The following STPG4 variants were observed in gnomAD, a reference collection of about 807,000 sequenced individuals.
STPG4 encodes sperm-tail PG-rich repeat containing 4.
Under a neutral mutation model 31.5 loss-of-function variants are expected in STPG4, and 41 were observed. That is an observed-to-expected ratio of 1.30 (90% CI 1.01 to 1.69). The LOEUF is 1.69. Ranked by LOEUF, STPG4 falls within the 40% of genes most tolerant of loss-of-function variation. STPG4 has a pLI of 0.00. For synonymous variants in STPG4, 141 were observed against 103.0 expected (o/e 1.37, Z -2.24); for missense variants, 375 against 293.4 (o/e 1.28, Z -2.03).
At chr2:47,132,896 T>C (rs1471181546) in intron 3 of STPG4, among the ~76,000 whole-genome samples, 1 of 152,184 alleles carries the variant, frequency 6.6e-6, no homozygotes, top group African/African-American at 2.4e-5. Flanking sequence ...ATTTCCATAA[T>C]GAAGTGCTCA....
Position 47,087,025 on chromosome 2 carries a change from T to C in STPG4, c.730A>G (p.Asn244Asp). The C allele has an allele frequency of 6.4e-7, 1 of 1,551,508 alleles. No individual in the cohort carries two copies. The highest frequency in any genetic ancestry group is 8.7e-7 in the Non-Finnish European group (1 of 1,146,946). The stretch of plus-strand genomic sequence containing the variant: ...AGATCACTTTATTTTAAAAGCCAAT[T>C]GTTGTTGTTGAAGAAAAGGCTATGC... ...QEHSLFFNNN[N>D]WLLK The change falls in exon 7 of 7, where the codon AAT becomes GAT. Residue 244 changes from asparagine (N) to aspartate (D), a missense_variant. Asn to Asp is a conservative substitution (Grantham distance 23). Coordinates refer to ENST00000445927, the MANE Select transcript of STPG4 (RefSeq NM_001163561.2).
intron 4 of STPG4, 35 bp downstream of exon 4, chr2:47,130,161 C>T (rs1686447188): frequency 2.5e-6 from 4 of 1,586,686 alleles, no homozygotes; most frequent in African/African-American, 1.3e-5. Context: ...GGTATGTAAA[C>T]AGAAAGGCAG....
intron 1 of STPG4, among the ~76,000 whole-genome samples, chr2:47,153,324 G>T (rs1686972050): frequency 6.6e-6 from 1 of 152,186 alleles, no homozygotes; most frequent in South Asian, 2.1e-4. Flanking sequence ...AAAAGAGTTA[G>T]GCTTGAAGCC....
chr2:47,098,629 G>C (rs1430720243), intron 5 of STPG4, among the ~76,000 whole-genome samples: 2 of 152,014 alleles, frequency 1.3e-5, no homozygotes, highest in Non-Finnish European at 2.9e-5. Flanking sequence ...AAAAAATTAT[G>C]ACCCCAAATA....
chr2:47,107,279 G>C (rs1046208242), intron 5 of STPG4, among the ~76,000 whole-genome samples: 3 of 152,098 alleles, frequency 2.0e-5, no homozygotes, highest in African/African-American at 7.3e-5. Context: ...GAGGTGTGGA[G>C]GGAGACGCGC....
chr2:47,122,115 A>T (rs939171646), intron 5 of STPG4, among the ~76,000 whole-genome samples: 1 of 152,166 alleles, frequency 6.6e-6, no homozygotes, highest in African/African-American at 2.4e-5. Flanking sequence ...GTGAGATCAA[A>T]AGATTTTTCA....
chr2:47,133,735 G>C (rs1450598941), intron 3 of STPG4, among the ~76,000 whole-genome samples: 1 of 151,648 alleles, frequency 6.6e-6, no homozygotes, highest in Non-Finnish European at 1.5e-5. Flanking sequence ...GCACCACCAC[G>C]TCTGGCTAAT....
chr2:47,115,675 CAG>C (rs1686135581), intron 5 of STPG4, among the ~76,000 whole-genome samples: 3 of 99,292 alleles, frequency 3.0e-5, no homozygotes, highest in Non-Finnish European at 5.8e-5. Flanking sequence ...TTTTTTGAGA[CAG>C]AGTCTCGCTG....
intron 5 of STPG4, among the ~76,000 whole-genome samples, chr2:47,093,387 A>T (rs1234363303): frequency 6.6e-6 from 1 of 152,170 alleles, no homozygotes; most frequent in Non-Finnish European, 1.5e-5. Context: ...AAGCCCTAAT[A>T]AACACAAAGA....
At chr2:47,101,852 A>AT (rs1685807299) in intron 5 of STPG4, among the ~76,000 whole-genome samples, 1 of 151,620 alleles carries the variant, frequency 6.6e-6, no homozygotes, top group Admixed American at 6.6e-5. Flanking sequence ...CCTCCACTTC[A>AT]TTTTTGGGGC....
intron 5 of STPG4, among the ~76,000 whole-genome samples, chr2:47,105,086 C>G (rs571163734): frequency 6.6e-6 from 1 of 152,034 alleles, no homozygotes; most frequent in African/African-American, 2.4e-5. Context: ...GAGGCAGAAA[C>G]AGCCTTCAAA....
chr2:47,101,672 T>G (rs946609876), intron 5 of STPG4, among the ~76,000 whole-genome samples: 1 of 151,888 alleles, frequency 6.6e-6, no homozygotes, highest in African/African-American at 2.4e-5. Flanking sequence ...AGCCCCATCA[T>G]AGTGGGGACT....
At chr2:47,112,248 A>G (rs1686052399) in intron 5 of STPG4, among the ~76,000 whole-genome samples, 1 of 151,262 alleles carries the variant, frequency 6.6e-6, no homozygotes, top group Non-Finnish European at 1.5e-5. Flanking sequence ...CTCACTGCAA[A>G]CTCTGCCTCT....
chr2:47,090,724 C>T (rs2103722992), intron 5 of STPG4, among the ~76,000 whole-genome samples: 1 of 152,336 alleles, frequency 6.6e-6, no homozygotes, highest in East Asian at 1.9e-4. Context: ...CGTACTTCTC[C>T]CTCTGACTGT....
chr2:47,127,306 T>C (rs1670778120), intron 5 of STPG4, among the ~76,000 whole-genome samples: 1 of 144,400 alleles, frequency 6.9e-6, no homozygotes, highest in Non-Finnish European at 1.5e-5. Context: ...TCTTACTCTG[T>C]TGCCCAGGCT....
At chr2:47,097,619 G>A (rs555520303) in intron 5 of STPG4, among the ~76,000 whole-genome samples, 2 of 152,260 alleles carry the variant, frequency 1.3e-5, no homozygotes, top group South Asian at 2.1e-4. Context: ...GATACAGCTA[G>A]AAGCACCATC....
intron 5 of STPG4, among the ~76,000 whole-genome samples, chr2:47,109,579 C>G (rs898076846): frequency 1.3e-5 from 2 of 148,510 alleles, no homozygotes; most frequent in Non-Finnish European, 3.0e-5. Flanking sequence ...AAAAAAAATT[C>G]TAGCACATCT....
intron 5 of STPG4, among the ~76,000 whole-genome samples, chr2:47,101,423 G>A (rs979572483): frequency 6.6e-5 from 10 of 151,710 alleles, no homozygotes; most frequent in South Asian, 2.1e-4. Context: ...TCACCCAAGC[G>A]AGACTCACCC....
At chr2:47,107,000 C>G (rs550869676) in intron 5 of STPG4, among the ~76,000 whole-genome samples, 3 of 152,122 alleles carry the variant, frequency 2.0e-5, no homozygotes. Context: ...ACTACAACTG[C>G]AGGGCCCCTT....
Sources: gnomAD v4.1 joint callset for allele counts (sites outside exome capture counted in the v4.1 genomes callset) on GRCh38, gnomAD v4.1.1 for gene constraint, MANE v1.5 for transcripts, NCBI Gene and HGNC (gene_info 2026-07-23, HGNC 2026-07-21) for gene names.